The following PLB1 variants were observed in gnomAD, a reference collection of about 807,000 sequenced individuals.
PLB1 encodes phospholipase B1.
A neutral mutation model predicts 227.4 loss-of-function variants in PLB1; 242 were observed. The observed-to-expected ratio is 1.06, with a 90% CI of 0.96 to 1.18. The LOEUF (loss-of-function observed/expected upper bound fraction) is 1.18. Ranked by LOEUF, PLB1 falls within the 50% of genes most tolerant of loss-of-function variation. PLB1 has a pLI of 0.00. For missense variants in PLB1, 1,858 were observed against 1,816.3 expected, an observed-to-expected ratio of 1.02 and a Z score of -0.42; for synonymous variants, 757 against 682.2, an observed-to-expected ratio of 1.11 and a Z score of -1.71.
In PLB1 at chr2:28,606,088, C is replaced by T. The variant is rs17007106; in HGVS notation, c.3057+140C>T. ...ATAAACGTCTATGCAGTTGGAAATG[C>T]GGAGTCCTTAAGAGTCTGCTCAGCC... On this transcript the variant is annotated intron_variant, in intron 42 of 57. Coordinates refer to ENST00000327757, the MANE Select transcript of PLB1 (RefSeq NM_153021.5). The T allele has an allele frequency of 0.015, 10,346 of 698,166 alleles. 751 individuals carry two copies. The African/African-American group carries it at 0.16, about 11-fold the overall frequency. The allele number at this position is 698,166 out of a possible 1,614,324, so 43.2% of individuals were successfully genotyped here. A position where few individuals can be genotyped will look rare whatever the true frequency, so the allele number is the denominator to read the frequency against.
chr2:28,635,060 G>A (rs1474825881), intron 56 of PLB1, among the ~76,000 whole-genome samples: 4 of 152,160 alleles, frequency 2.6e-5, no homozygotes, highest in East Asian at 3.9e-4. Context: ...CGTAAACACC[G>A]CACTGGAGCT....
At chr2:28,566,719 T>G in intron 19 of PLB1, 77 bp from the exon 20 acceptor site, 3 of 1,520,626 alleles carry the variant, frequency 2.0e-6, no homozygotes, top group Non-Finnish European at 1.8e-6. Context: ...AGACGGGCGT[T>G]TCTGGCTAGT....
chr2:28,543,240 C>T lies in PLB1; in HGVS notation c.908C>T (p.Thr303Met), dbSNP rs200218500. Reference sequence around the variant, plus strand: ...GACCCCCGACTCCAGGATTCTACCACGCTGGCCTGGCATCTCTGGAATAGG... The same window carrying T: ...GACCCCCGACTCCAGGATTCTACCATGCTGGCCTGGCATCTCTGGAATAGG... ...SEDPRLQDST[T>M]LAWHLWNRMM... Residue 303 changes from threonine (T) to methionine (M), a missense_variant, in exon 14 of 58, where the codon ACG (threonine) becomes ATG (methionine). Physicochemically the swap from Thr to Met is moderately conservative, Grantham distance 81 (BLOSUM62 -1). Coordinates refer to ENST00000327757, the MANE Select transcript of PLB1 (RefSeq NM_153021.5). The T allele has an allele frequency of 5.5e-5, 88 of 1,612,384 alleles. No individual in the cohort carries two copies. The highest frequency in any genetic ancestry group is 6.4e-5 in the Non-Finnish European group (75 of 1,179,454).
chr2:28,539,220 C>T (rs762984975), intron 11 of PLB1, 42 bp downstream of exon 11: 3 of 1,531,310 alleles, frequency 2.0e-6, no homozygotes, highest in Non-Finnish European at 2.7e-6. Flanking sequence ...TGTGACACGG[C>T]TGTCACGTGT....
chr2:28,569,122 A>G (rs1677565508), intron 20 of PLB1, among the ~76,000 whole-genome samples: 1 of 152,200 alleles, frequency 6.6e-6, no homozygotes, highest in Non-Finnish European at 1.5e-5. Flanking sequence ...GGGTTCTAGC[A>G]GGCACTCTGC....
chr2:28,629,374 A>G (rs776075409), intron 53 of PLB1, among the ~76,000 whole-genome samples, 189 bp downstream of exon 53: 3 of 152,138 alleles, frequency 2.0e-5, no homozygotes, highest in African/African-American at 4.8e-5. Flanking sequence ...AAGGTGCCTC[A>G]TTTCTCTGGA....
chr2:28,546,590 A>G (rs1408304980), intron 14 of PLB1, among the ~76,000 whole-genome samples: 2 of 152,186 alleles, frequency 1.3e-5, no homozygotes, highest in Non-Finnish European at 2.9e-5. Flanking sequence ...GGCAGGAGAA[A>G]GAGGCACACA....
chr2:28,547,323 TG>T (rs1264094887), intron 14 of PLB1, among the ~76,000 whole-genome samples: 21 of 151,766 alleles, frequency 1.4e-4, no homozygotes, highest in African/African-American at 4.8e-4. Context: ...ATGTTCCAGG[TG>T]GGACCTTGTT....
chr2:28,507,989 T>G (rs1251644627), intron 1 of PLB1, among the ~76,000 whole-genome samples: 1 of 152,186 alleles, frequency 6.6e-6, no homozygotes, highest in Non-Finnish European at 1.5e-5. Flanking sequence ...TGGCCAGCAT[T>G]CCTGATGGTA....
chr2:28,522,086 C>A, intron 4 of PLB1, among the ~76,000 whole-genome samples: 1 of 151,550 alleles, frequency 6.6e-6, no homozygotes, highest in East Asian at 2.0e-4. Context: ...TAACCAGTTT[C>A]TACCTCTCTG....
At position 28,566,852 on chromosome 2, in the gene PLB1, C is replaced by T. The variant is rs375555363; in HGVS notation, c.1324+13C>T. The T allele has an allele frequency of 1.2e-5, 20 of 1,613,820 alleles. No individual in the cohort carries two copies. Among genetic ancestry groups the T allele is most frequent in the South Asian group, 2.2e-5 (2 of 91,078 alleles). The stretch of plus-strand genomic sequence containing the variant: ...ACCACCCTGGCGAGTGAGTACGCGG[C>T]GGCGGCCGGGATGTTTGGTTTGGGG... On this transcript the variant is annotated intron_variant, in intron 20 of 57. Transcript: ENST00000327757.
chr2:28,578,475 C>T (rs1478469866), intron 22 of PLB1, among the ~76,000 whole-genome samples: 3 of 152,052 alleles, frequency 2.0e-5, no homozygotes, highest in Admixed American at 6.5e-5. Context: ...CGTGCTCCAC[C>T]GAAAGGGCTC....
At chr2:28,598,872 T>G (rs7573845) in intron 35 of PLB1, 112 bp downstream of exon 35, 252,452 of 891,100 alleles carry the variant, frequency 0.28, 36,816 homozygotes, top group East Asian at 0.38. Flanking sequence ...TAGCCACTTG[T>G]GAGGCTCAGG....
intron 50 of PLB1, among the ~76,000 whole-genome samples, chr2:28,625,706 C>T (rs1687659892): frequency 6.6e-6 from 1 of 152,276 alleles, no homozygotes; most frequent in East Asian, 1.9e-4. Context: ...CAGCTTAGGG[C>T]CTTTGCTTCT....
intron 54 of PLB1, among the ~76,000 whole-genome samples, chr2:28,631,171 A>G (rs1029028864): frequency 2.6e-5 from 4 of 151,770 alleles, no homozygotes; most frequent in African/African-American, 9.7e-5. Flanking sequence ...AAAAAAGAAA[A>G]AAAGAAAAAG....
Position 28,533,198 on chromosome 2 carries a change from C to G in PLB1, c.555+1004C>G, listed in dbSNP as rs115987284. ...ACACTCCCACTGACTCCAGGCTCAC[C>G]GTCAGAACTCCCCTTCCTTTAGTGA... On this transcript the variant is annotated intron_variant, in intron 9 of 57. Transcript: ENST00000327757. 8.0e-3 allele frequency among the ~76,000 whole-genome samples: 1,223 copies of G among 152,272 alleles called. 22 individuals carry two copies. The highest frequency in any genetic ancestry group is 0.028 in the African/African-American group (1,169 of 41,550).
rs574058868 is a variant in PLB1, at chr2:28,582,292, G to C, written c.1633-113G>C. 9.3e-6 allele frequency: 11 copies of C among 1,180,888 alleles called. No individual in the cohort carries two copies. The African/African-American group carries it at 1.1e-4, about 11-fold the overall frequency. 73.2% of individuals were successfully genotyped at this position (1,180,888 alleles called of 1,614,324 possible). The stretch of plus-strand genomic sequence containing the variant: ...CAGGGACGGGTGGAGGAAGTGGATG[G>C]GGGCAGATGGAAGTCCCTAGATCTG... On this transcript the variant is annotated intron_variant, in intron 24 of 57. Transcript: ENST00000327757.
chr2:28,541,949 A>AGGGTTTCACCATGT, intron 13 of PLB1, 138 bp downstream of exon 13: 1 of 672,482 alleles, frequency 1.5e-6, no homozygotes, highest in Non-Finnish European at 2.6e-6. Context: ...CCCAGCCAAC[A>AGGGTTTCACCATGT]TGGTGAAACC....
intron 56 of PLB1, among the ~76,000 whole-genome samples, chr2:28,638,544 G>A (rs1200722548): frequency 6.6e-6 from 1 of 152,118 alleles, no homozygotes; most frequent in Non-Finnish European, 1.5e-5. Flanking sequence ...CTGTTGATGG[G>A]TGAGAGAGGA....
Sources: gnomAD v4.1 joint callset for allele counts (sites outside exome capture counted in the v4.1 genomes callset) on GRCh38, gnomAD v4.1.1 for gene constraint, MANE v1.5 for transcripts, NCBI Gene and HGNC (gene_info 2026-07-23, HGNC 2026-07-21) for gene names.